The following DLGAP1 variants were observed in gnomAD, a reference collection of about 807,000 sequenced individuals.
The protein encoded by DLGAP1 is disks large-associated protein 1.
DLGAP1 carries 11 observed loss-of-function variants against 90.8 expected under a neutral mutation model. That is an observed-to-expected ratio of 0.12 (90% confidence interval 0.08 to 0.20). The LOEUF is 0.20. Among genes scored for constraint, DLGAP1 ranks in the 10% least tolerant of loss-of-function variants. The pLI, the probability that DLGAP1 is intolerant of heterozygous loss-of-function variation, is 1.00. For missense variants in DLGAP1, 1,050 were observed against 1,333.8 expected, an observed-to-expected ratio of 0.79 and a Z score of 3.31; for synonymous variants, 558 against 540.7, an observed-to-expected ratio of 1.03 and a Z score of -0.44.
At chr18:3,782,163 G>C (rs1484575053) in intron 5 of DLGAP1, among the ~76,000 whole-genome samples, 1 of 149,658 alleles carries the variant, frequency 6.7e-6, no homozygotes, top group East Asian at 2.0e-4. Context: ...TTTGGACAGA[G>C]CCTTGTTCTG....
intron 2 of DLGAP1, among the ~76,000 whole-genome samples, chr18:4,112,366 T>C (rs2075989667): frequency 6.6e-6 from 1 of 152,178 alleles, no homozygotes; most frequent in South Asian, 2.1e-4. Context: ...AAATGTTTCA[T>C]GTGTACTTCA....
intron 1 of DLGAP1, among the ~76,000 whole-genome samples, chr18:4,452,884 T>G (rs947379375): frequency 6.6e-6 from 1 of 152,212 alleles, no homozygotes; most frequent in African/African-American, 2.4e-5. Flanking sequence ...TTTGACATAT[T>G]TAAAAGAATG....
At position 3,526,230 on chromosome 18, in the gene DLGAP1, A is replaced by C. The variant is rs1311035254; in HGVS notation, c.2479+7964T>G. Among the ~76,000 whole-genome samples the C allele has an allele frequency of 6.6e-6, 1 of 152,150 alleles. No homozygotes were observed. The highest frequency in any genetic ancestry group is 1.5e-5 in the Non-Finnish European group (1 of 68,032). On this transcript the variant is annotated intron_variant, in intron 10 of 12. Coordinates refer to ENST00000315677, the MANE Select transcript of DLGAP1 (RefSeq NM_004746.4). The surrounding 1 kb of genome is among the most constrained non-coding windows in gnomAD (Gnocchi z 4.7). ...CAGCCATTGCTCCCCACTTAGAAAC[A>C]CACACGGGCTGGAGGCAGATGAATT... is the stretch of plus-strand genomic sequence containing the variant.
At chr18:3,724,387 A>G (rs540905016) in intron 7 of DLGAP1, among the ~76,000 whole-genome samples, 17 of 152,238 alleles carry the variant, frequency 1.1e-4, no homozygotes, top group African/African-American at 3.9e-4. Context: ...TACTCTTTAT[A>G]AAACTTGTAT....
intron 8 of DLGAP1, chr18:3,580,704 G>C (rs1037500781): frequency 8.1e-6 from 13 of 1,613,658 alleles, no homozygotes; most frequent in Middle Eastern, 1.6e-4. Flanking sequence ...AATGATCACA[G>C]TCAACCACAG....
At chr18:3,794,559 G>T (rs970845144) in intron 5 of DLGAP1, among the ~76,000 whole-genome samples, 4 of 152,206 alleles carry the variant, frequency 2.6e-5, no homozygotes, top group Non-Finnish European at 4.4e-5. Context: ...AAGGTGGAAG[G>T]TTCCTCTATG....
chr18:4,230,535 A>C (rs1338745345), intron 1 of DLGAP1, among the ~76,000 whole-genome samples: 2 of 152,008 alleles, frequency 1.3e-5, no homozygotes, highest in Non-Finnish European at 1.5e-5. Flanking sequence ...TGGCACAAAA[A>C]GACAAACTTC....
At chr18:4,031,265 AAAAG>A (rs1237055706) in intron 2 of DLGAP1, among the ~76,000 whole-genome samples, 2 of 152,238 alleles carry the variant, frequency 1.3e-5, no homozygotes, top group Non-Finnish European at 2.9e-5. Context: ...GTTTGAAAAA[AAAAG>A]GAAGGTGGAG....
chr18:3,874,705 A>T, intron 4 of DLGAP1: 1 of 1,534,186 alleles, frequency 6.5e-7, no homozygotes, highest in South Asian at 1.2e-5. Flanking sequence ...CTTCAAATCC[A>T]TGTTCCTGCT....
chr18:4,087,518 T>C (rs35751522), intron 2 of DLGAP1, among the ~76,000 whole-genome samples: 39,338 of 152,132 alleles, frequency 0.26, 5,394 homozygotes, highest in Non-Finnish European at 0.31. Flanking sequence ...GGAATACTTT[T>C]AGTAAATCTT....
chr18:3,950,982 A>C (rs1367290237), intron 3 of DLGAP1, among the ~76,000 whole-genome samples: 1 of 152,192 alleles, frequency 6.6e-6, no homozygotes, highest in Non-Finnish European at 1.5e-5. Context: ...ACAGATGAGA[A>C]AGTGTCCCTT....
chr18:3,921,744 C>T (rs1215825530), intron 3 of DLGAP1, among the ~76,000 whole-genome samples: 1 of 152,182 alleles, frequency 6.6e-6, no homozygotes, highest in Non-Finnish European at 1.5e-5. Context: ...CCAACTATTT[C>T]CTCATCTAGT....
intron 2 of DLGAP1, among the ~76,000 whole-genome samples, chr18:4,028,762 A>G (rs2074744985): frequency 1.3e-5 from 2 of 152,224 alleles, no homozygotes; most frequent in Admixed American, 6.5e-5. Context: ...ACATTTAAGC[A>G]CTGAACCCTT....
At chr18:4,038,255 T>C (rs1262327162) in intron 2 of DLGAP1, among the ~76,000 whole-genome samples, 1 of 152,230 alleles carries the variant, frequency 6.6e-6, no homozygotes. Flanking sequence ...ACTCATTCAG[T>C]TGATTCTGCC....
intron 1 of DLGAP1, among the ~76,000 whole-genome samples, chr18:4,314,741 A>T (rs1000890712): frequency 6.6e-6 from 1 of 152,226 alleles, no homozygotes; most frequent in Non-Finnish European, 1.5e-5. Context: ...CTTCAGAGGG[A>T]TTATGACATA....
intron 2 of DLGAP1, among the ~76,000 whole-genome samples, chr18:4,049,861 C>A (rs1419327327): frequency 6.6e-6 from 1 of 151,688 alleles, no homozygotes; most frequent in Non-Finnish European, 1.5e-5. Context: ...CACCTACCTA[C>A]TCATTTATCC....
intron 1 of DLGAP1, among the ~76,000 whole-genome samples, chr18:4,385,794 C>T (rs1369638689): frequency 2.6e-5 from 4 of 152,026 alleles, no homozygotes; most frequent in South Asian, 2.1e-4. Context: ...GCTTTAGTTA[C>T]GAATAATTTC....
intron 1 of DLGAP1, among the ~76,000 whole-genome samples, chr18:4,326,414 A>T (rs2080819636): frequency 6.6e-6 from 1 of 152,252 alleles, no homozygotes; most frequent in South Asian, 2.1e-4. Flanking sequence ...TAGTTCAGTC[A>T]TTGTGGAAAG....
intron 9 of DLGAP1, among the ~76,000 whole-genome samples, chr18:3,566,585 T>C (rs1477666989): frequency 1.3e-5 from 2 of 152,134 alleles, no homozygotes; most frequent in African/African-American, 4.8e-5. Context: ...GCCTTGATTA[T>C]AGGAGGCATT....
Sources: gnomAD v4.1 joint callset for allele counts (sites outside exome capture counted in the v4.1 genomes callset) on GRCh38, gnomAD v4.1.1 for gene constraint, Gnocchi (gnomAD v3.1) non-coding constraint, MANE v1.5 for transcripts, NCBI Gene and HGNC (gene_info 2026-07-23, HGNC 2026-07-21) for gene names.